Variants in NIPBL observed in about 807,000 individuals in gnomAD.
NIPBL encodes nipped-B-like protein.
Under a neutral mutation model 321.8 loss-of-function variants are expected in NIPBL, and 19 were observed. The observed-to-expected ratio is 0.06, with a 90% CI of 0.04 to 0.09. The LOEUF (loss-of-function observed/expected upper bound fraction) is 0.09, where lower values mean the gene tolerates loss of function less well. NIPBL is among the 10% of genes least tolerant of loss of function. The pLI is 1.00. For synonymous variants in NIPBL, 1,106 were observed against 1,114.1 expected (o/e 0.99, Z 0.14); for missense variants, 2,210 against 3,327.0 (o/e 0.66, Z 8.26).
At position 36,877,097 on chromosome 5, in the gene NIPBL, C is replaced by T. The variant is rs1745118880; in HGVS notation, c.-161C>T. The T allele has an allele frequency of 2.9e-6, 1 of 346,412 alleles. No homozygotes were observed. 21.5% of individuals were successfully genotyped at this position (346,412 alleles called of 1,614,324 possible). ...GAGGAGACGGAAGAGGAGCCGTAGC[C>T]ACCCCCCCTCCCGGCCCGGATTATA... On this transcript the variant is annotated 5_prime_UTR_variant, in exon 1 of 47. Coordinates refer to ENST00000282516, the MANE Select transcript of NIPBL (RefSeq NM_133433.4).
chr5:36,881,960 A>T (rs1198592110), intron 1 of NIPBL, among the ~76,000 whole-genome samples: 1 of 151,958 alleles, frequency 6.6e-6, no homozygotes, highest in African/African-American at 2.4e-5. Context: ...CATTTCATTC[A>T]TAGAAATGTA....
At chr5:36,958,320 G>C in intron 4 of NIPBL, 89 bp downstream of exon 4, 2 of 1,318,402 alleles carry the variant, frequency 1.5e-6, no homozygotes. Flanking sequence ...TGGCCTATCA[G>C]GAATGCGATG....
chr5:36,884,457 T>A (rs571730550), intron 1 of NIPBL, among the ~76,000 whole-genome samples: 1 of 152,360 alleles, frequency 6.6e-6, no homozygotes, highest in South Asian at 2.1e-4. Context: ...CCAGAAATTT[T>A]TTCTGAGGAG....
chr5:36,992,035 T>C (rs532837349), intron 10 of NIPBL, among the ~76,000 whole-genome samples: 10 of 152,176 alleles, frequency 6.6e-5, no homozygotes, highest in Non-Finnish European at 8.8e-5. Context: ...AAATCAAAGA[T>C]TGCTTAAATG....
chr5:37,060,305 C>T (rs937421222), intron 44 of NIPBL, among the ~76,000 whole-genome samples: 2 of 152,162 alleles, frequency 1.3e-5, no homozygotes, highest in Non-Finnish European at 2.9e-5. Context: ...AGTACAGATG[C>T]ATGCCACCAC....
chr5:37,043,133 C>T (rs1231085098), intron 34 of NIPBL, among the ~76,000 whole-genome samples: 1 of 152,156 alleles, frequency 6.6e-6, no homozygotes, highest in Non-Finnish European at 1.5e-5. Flanking sequence ...TGGTGGCCCA[C>T]ACCTGTAATC....
At chr5:36,998,372 AC>A (rs1200576696) in intron 11 of NIPBL, among the ~76,000 whole-genome samples, 1 of 152,076 alleles carries the variant, frequency 6.6e-6, no homozygotes, top group Non-Finnish European at 1.5e-5. Flanking sequence ...GTGGATAGTT[AC>A]CACCAATACA....
chr5:37,037,768 T>A (rs950725600), intron 33 of NIPBL, among the ~76,000 whole-genome samples: 1 of 151,726 alleles, frequency 6.6e-6, no homozygotes, highest in Non-Finnish European at 1.5e-5. Context: ...CCTCTAAAAA[T>A]TTGTTTCCTA....
At chr5:37,004,310 G>T (rs191177008) in intron 16 of NIPBL, among the ~76,000 whole-genome samples, 1 of 152,154 alleles carries the variant, frequency 6.6e-6, no homozygotes, top group Admixed American at 6.5e-5. Flanking sequence ...CATTCAAATT[G>T]ATCTTGATAT....
rs573173229 is a variant in NIPBL at position 36,885,580 on chromosome 5, G to A, written c.-80+8402G>A. On this transcript the variant is annotated intron_variant, in intron 1 of 46. Transcript: ENST00000282516. Reference sequence around the variant, plus strand: ...AGAAGGGACCCCAGGTCAGAGACTGGGGCCATTACTTCAAGACCATCGAGG... The same window carrying A: ...AGAAGGGACCCCAGGTCAGAGACTGAGGCCATTACTTCAAGACCATCGAGG... The A allele has an allele frequency of 8.5e-5, 45 of 532,510 alleles. 1 individual carries two copies. Among genetic ancestry groups the A allele is most frequent in the South Asian group, 5.2e-4 (37 of 71,554 alleles). The allele number at this position is 532,510 out of a possible 1,614,324, so 33.0% of individuals were successfully genotyped here.
At chr5:36,901,192 A>G (rs1165330324) in intron 1 of NIPBL, among the ~76,000 whole-genome samples, 6 of 152,182 alleles carry the variant, frequency 3.9e-5, no homozygotes, top group African/African-American at 7.2e-5. Flanking sequence ...GATAACATGC[A>G]GTATTTGATT....
chr5:36,942,887 A>T lies in NIPBL; in HGVS notation c.-79-10731A>T, dbSNP rs551114133. Among the ~76,000 whole-genome samples the T allele has an allele frequency of 1.3e-4, 20 of 152,288 alleles. No homozygotes were observed. In the South Asian group the frequency reaches 3.3e-3, roughly 25 times the overall value. On this transcript the variant is annotated intron_variant, in intron 1 of 46. Coordinates refer to ENST00000282516, the MANE Select transcript of NIPBL (RefSeq NM_133433.4). ...TGCACAAATACAGCGCAAGGGAAAC[A>T]TGGTTTAGCAGTAGTAGGACTGAAA...
At chr5:36,882,833 A>T (rs971527715) in intron 1 of NIPBL, among the ~76,000 whole-genome samples, 2 of 151,820 alleles carry the variant, frequency 1.3e-5, no homozygotes, top group African/African-American at 4.8e-5. Context: ...GTAATTCTAA[A>T]ATGTTTTGAT....
intron 34 of NIPBL, among the ~76,000 whole-genome samples, chr5:37,042,707 A>G (rs907340634): frequency 2.0e-5 from 3 of 150,926 alleles, no homozygotes; most frequent in Non-Finnish European, 3.0e-5. Context: ...TTCTCCTTCC[A>G]TGCCTCCAGC....
chr5:36,988,046 T>C (rs115547320), intron 10 of NIPBL, among the ~76,000 whole-genome samples: 204 of 152,242 alleles, frequency 1.3e-3, no homozygotes, highest in African/African-American at 4.7e-3. Context: ...CATCTTTCTC[T>C]CCCTCCCCTC....
At chr5:37,036,681 T>C (rs542921572) in intron 33 of NIPBL, among the ~76,000 whole-genome samples, 194 bp downstream of exon 33, 323 of 150,924 alleles carry the variant, frequency 2.1e-3, no homozygotes, top group African/African-American at 7.2e-3. Context: ...TGACTAAGAT[T>C]ATCTAGAGCA....
chr5:36,962,019 A>G (rs901853977), intron 5 of NIPBL, 104 bp from the exon 6 acceptor site: 10 of 1,256,002 alleles, frequency 8.0e-6, no homozygotes, highest in South Asian at 1.2e-5. Context: ...TAGATTTTAC[A>G]TATATAAACT....
intron 1 of NIPBL, among the ~76,000 whole-genome samples, chr5:36,888,131 T>C (rs1376496753): frequency 1.3e-5 from 2 of 152,194 alleles, no homozygotes; most frequent in Non-Finnish European, 2.9e-5. Context: ...TAATAACTTC[T>C]AGTATTTTAA....
chr5:36,897,340 T>C (rs1746831479), intron 1 of NIPBL, among the ~76,000 whole-genome samples: 1 of 152,198 alleles, frequency 6.6e-6, no homozygotes, highest in Non-Finnish European at 1.5e-5. Flanking sequence ...GATTGTTCAC[T>C]GCTAGGGTAT....
Sources: allele counts gnomAD v4.1 joint callset (sites outside exome capture counted in the v4.1 genomes callset), GRCh38; gene constraint gnomAD v4.1.1; transcripts MANE v1.5; gene names NCBI Gene and HGNC (gene_info 2026-07-23, HGNC 2026-07-21).